The following PCDHGA2 variants were observed in gnomAD, a reference collection of about 807,000 sequenced individuals.
PCDHGA2 encodes the protein protocadherin gamma-A2.
Under a neutral mutation model 59.2 loss-of-function variants are expected in PCDHGA2, and 40 were observed. The observed-to-expected ratio is 0.68, with a 90% CI of 0.52 to 0.88. The LOEUF (loss-of-function observed/expected upper bound fraction) is 0.88, where lower values mean the gene tolerates loss of function less well. Among genes scored for constraint, PCDHGA2 ranks in the 40% least tolerant of loss-of-function variants. The pLI, the probability that PCDHGA2 is intolerant of heterozygous loss-of-function variation, is 0.00. For missense variants in PCDHGA2, 1,226 were observed against 1,204.0 expected, an observed-to-expected ratio of 1.02 and a Z score of -0.27; for synonymous variants, 560 against 526.0, an observed-to-expected ratio of 1.06 and a Z score of -0.89.
chr5:141,441,547 A>G (rs1393958373), intron 1 of PCDHGA2: 1 of 182,772 alleles, frequency 5.5e-6, no homozygotes, highest in Admixed American at 6.4e-5. Context: ...CAAAGCCTCC[A>G]TAGTGTGCAA....
chr5:141,487,802 C>G lies in PCDHGA2; in HGVS notation c.2425-7005C>G. On this transcript the variant is annotated intron_variant, in intron 1 of 3. Transcript: ENST00000394576. The surrounding 1 kb of genome is among the most constrained non-coding windows in gnomAD (Gnocchi z 5.0). ...TTTCGTGAATTAACCAGAGTTGTCACAGTTTAGCATTGGGGGCGGGTCATG... is the reference window on the plus strand; with the variant it reads ...TTTCGTGAATTAACCAGAGTTGTCAGAGTTTAGCATTGGGGGCGGGTCATG... 6.8e-7 allele frequency: 1 copy of G among 1,477,424 alleles called. No homozygotes were observed. The allele number at this position is 1,477,424 out of a possible 1,614,324, so 91.5% of individuals were successfully genotyped here.
At position 141,404,477 on chromosome 5, in the gene PCDHGA2, T is replaced by C. The variant is rs750187565; in HGVS notation, c.2424+63082T>C. On this transcript the variant is annotated intron_variant, in intron 1 of 3. Coordinates refer to ENST00000394576, the MANE Select transcript of PCDHGA2 (RefSeq NM_018915.4). ...TCTCTCCACCTATGTCTCTATTAAC[T>C]CAGACACTGGTGTGCTGTATGCTCT... is the stretch of plus-strand genomic sequence containing the variant. The C allele has an allele frequency of 3.1e-6, 5 of 1,613,408 alleles. No individual in the cohort carries two copies. In the South Asian group the frequency reaches 4.4e-5, roughly 14 times the overall value.
chr5:141,421,233 G>T (rs201076931), intron 1 of PCDHGA2: 2 of 1,592,240 alleles, frequency 1.3e-6, no homozygotes, highest in Non-Finnish European at 1.7e-6. Flanking sequence ...CTGCCATGGC[G>T]AATCGGCTAC....
At chr5:141,495,923 T>G (rs1337381299) in intron 2 of PCDHGA2, among the ~76,000 whole-genome samples, 4 of 152,306 alleles carry the variant, frequency 2.6e-5, no homozygotes, top group South Asian at 2.1e-4. Context: ...TTTCTTTGTC[T>G]CTGTCTCTGG....
At chr5:141,501,333 A>ACC (rs1554187333) in intron 2 of PCDHGA2, among the ~76,000 whole-genome samples, 192 of 140,118 alleles carry the variant, frequency 1.4e-3, no homozygotes, top group Admixed American at 5.6e-3. Flanking sequence ...ACACACACAC[A>ACC]CCCCAAACTC....
chr5:141,398,197 T>G lies in PCDHGA2; in HGVS notation c.2424+56802T>G, dbSNP rs1317220760. On this transcript the variant is annotated intron_variant, in intron 1 of 3. Transcript: ENST00000394576. Reference sequence around the variant, plus strand: ...AGTGCTCTTTCTCTTCCTGCTGTCTTTGTTCTGCCCGGCGCTCTGTGAGCA... The same window carrying G: ...AGTGCTCTTTCTCTTCCTGCTGTCTGTGTTCTGCCCGGCGCTCTGTGAGCA... 2.7e-6 allele frequency: 4 copies of G among 1,492,294 alleles called. No homozygotes were observed. The African/African-American group carries it at 4.2e-5, about 16-fold the overall frequency. The allele number at this position is 1,492,294 out of a possible 1,614,324, so 92.4% of individuals were successfully genotyped here.
intron 1 of PCDHGA2, chr5:141,350,744 A>T: frequency 6.2e-7 from 1 of 1,613,954 alleles, no homozygotes; most frequent in Non-Finnish European, 8.5e-7. Context: ...TGTGGAAGGC[A>T]ATTCACTGAA....
chr5:141,512,866 AC>A lies in PCDHGA2; in HGVS notation c.*1694del. Reference sequence around the variant, plus strand: ...TATAAGCGCTTCTCTTCGCATAGTCACGTAGCTCCCACCCCACCCTCTTCCT... The same window carrying A: ...TATAAGCGCTTCTCTTCGCATAGTCAGTAGCTCCCACCCCACCCTCTTCCT... On this transcript the variant is annotated 3_prime_UTR_variant, in exon 4 of 4. Transcript: ENST00000394576. 1 of 152,098 alleles carries A rather than the reference AC, an allele frequency of 6.6e-6. No homozygotes were observed. Among genetic ancestry groups the A allele is most frequent in the Non-Finnish European group, 1.5e-5 (1 of 68,034 alleles). 9.4% of individuals were successfully genotyped at this position (152,098 alleles called of 1,614,324 possible).
At chr5:141,441,744 G>A (rs913393900) in intron 1 of PCDHGA2, 7 of 366,408 alleles carry the variant, frequency 1.9e-5, no homozygotes, top group African/African-American at 1.1e-4. Context: ...GCTCGCGCTC[G>A]GCGTCAACGT....
chr5:141,385,164 T>C (rs758100484), intron 1 of PCDHGA2: 3 of 1,614,168 alleles, frequency 1.9e-6, no homozygotes, highest in Middle Eastern at 1.6e-4. Flanking sequence ...CCTATTCCCA[T>C]GAGGTCTCCC....
chr5:141,444,551 G>A (rs758187608), intron 1 of PCDHGA2, among the ~76,000 whole-genome samples: 1 of 152,022 alleles, frequency 6.6e-6, no homozygotes, highest in Non-Finnish European at 1.5e-5. Context: ...TGAGCAAAAG[G>A]CACTTATTTG....
chr5:141,427,776 G>A (rs3828681), intron 1 of PCDHGA2: 73,622 of 1,424,156 alleles, frequency 0.052, 2,339 homozygotes, highest in African/African-American at 0.13. Flanking sequence ...GGAGCTGCGG[G>A]CACTGTCGTC....
intron 1 of PCDHGA2, among the ~76,000 whole-genome samples, chr5:141,434,340 G>A (rs2097687601): frequency 6.6e-6 from 1 of 152,150 alleles, no homozygotes; most frequent in Non-Finnish European, 1.5e-5. Context: ...TTTGTGTCGG[G>A]AACAGGCCCC....
At chr5:141,429,610 T>C (rs2097228693) in intron 1 of PCDHGA2, among the ~76,000 whole-genome samples, 2 of 152,230 alleles carry the variant, frequency 1.3e-5, no homozygotes, top group African/African-American at 4.8e-5. Flanking sequence ...AACTCAATTT[T>C]ATGTCTGATA....
At chr5:141,381,761 A>G (rs1777413345) in intron 1 of PCDHGA2, among the ~76,000 whole-genome samples, 1 of 150,538 alleles carries the variant, frequency 6.6e-6, no homozygotes, top group Non-Finnish European at 1.5e-5. Flanking sequence ...TTCTACTACT[A>G]TATAATCAAT....
At chr5:141,390,859 T>C (rs951468573) in intron 1 of PCDHGA2, 3 of 151,114 alleles carry the variant, frequency 2.0e-5, no homozygotes, top group Admixed American at 1.3e-4. Flanking sequence ...CAGTGTACGC[T>C]GTGTGTGCGT....
chr5:141,393,098 C>G (rs1172367083), intron 1 of PCDHGA2: 1 of 1,613,610 alleles, frequency 6.2e-7, no homozygotes, highest in African/African-American at 1.3e-5. Flanking sequence ...GGGAGGAGCT[C>G]TGCGCTCAGA....
chr5:141,395,209 A>G, intron 1 of PCDHGA2: 1 of 1,613,372 alleles, frequency 6.2e-7, no homozygotes, highest in Non-Finnish European at 8.5e-7. Flanking sequence ...GATTTTCATG[A>G]ATATAAGAAT....
At chr5:141,497,878 C>T (rs553853040) in intron 2 of PCDHGA2, among the ~76,000 whole-genome samples, 32 of 152,256 alleles carry the variant, frequency 2.1e-4, no homozygotes, top group Non-Finnish European at 3.5e-4. Flanking sequence ...GTGAAATAAG[C>T]GTTAGGATCT....
Sources: allele counts gnomAD v4.1 joint callset (sites outside exome capture counted in the v4.1 genomes callset), GRCh38; gene constraint gnomAD v4.1.1; non-coding constraint Gnocchi (gnomAD v3.1); transcripts MANE v1.5; gene names NCBI Gene and HGNC (gene_info 2026-07-23, HGNC 2026-07-21).